The following C1orf21 variants were observed in gnomAD, a reference collection of about 807,000 sequenced individuals.
C1orf21 encodes the protein uncharacterized protein C1orf21.
In C1orf21, 3 loss-of-function variants were observed where a neutral mutation model predicts 18.7. The ratio of observed to expected loss-of-function variants is 0.16; its 90% CI spans 0.07 to 0.42. The LOEUF (loss-of-function observed/expected upper bound fraction) is 0.42. Ranked by LOEUF, C1orf21 falls within the 10% of genes least tolerant of loss-of-function variation. The pLI, the probability that C1orf21 is intolerant of heterozygous loss-of-function variation, is 0.99. For missense variants in C1orf21, 104 were observed against 143.6 expected (o/e 0.72, Z 1.41); for synonymous variants, 41 against 46.4 (o/e 0.88, Z 0.47).
Position 184,505,306 on chromosome 1 carries a change from AATATATATATATATATATAT to A in C1orf21, c.95-2266_95-2247del, listed in dbSNP as rs59445875. ...AGAATCCACTTGTGATACATAAAGAAATATATATATATATATATATATATATATATATATACACACATGCC... is the reference window on the plus strand; with the variant it reads ...AGAATCCACTTGTGATACATAAAGAAATATATATATATATACACACATGCC... On this transcript the variant is annotated intron_variant, in intron 2 of 5. Transcript: ENST00000235307. 1.9e-4 allele frequency among the ~76,000 whole-genome samples: 13 copies of A among 66,772 alleles called. No homozygotes were observed. The South Asian group carries it at 2.5e-3, about 13-fold the overall frequency. 43.8% of individuals were successfully genotyped at this position (66,772 alleles called of 152,430 possible). A position where few individuals can be genotyped will look rare whatever the true frequency, so the allele number is the denominator to read the frequency against.
intron 5 of C1orf21, among the ~76,000 whole-genome samples, chr1:184,618,983 G>A (rs940664329): frequency 2.0e-5 from 3 of 152,222 alleles, no homozygotes; most frequent in African/African-American, 7.2e-5. Context: ...TGAATCAGAA[G>A]CATCTTTGCC....
intron 3 of C1orf21, among the ~76,000 whole-genome samples, chr1:184,551,861 G>C (rs1042359335): frequency 9.2e-5 from 14 of 151,768 alleles, no homozygotes; most frequent in Non-Finnish European, 2.9e-5. Flanking sequence ...AAAATTAGCC[G>C]GGTGTGGTGG....
intron 3 of C1orf21, chr1:184,566,569 T>G (rs1349268659): frequency 5.2e-6 from 2 of 381,712 alleles, no homozygotes; most frequent in African/African-American, 4.2e-5. Context: ...CTCTCTATGG[T>G]GGGTTTCTTC....
intron 1 of C1orf21, among the ~76,000 whole-genome samples, chr1:184,437,066 G>A (rs1376133578): frequency 6.6e-6 from 1 of 152,174 alleles, no homozygotes; most frequent in Admixed American, 6.5e-5. Context: ...AAGGAGACTA[G>A]ATGAAAGAGA....
At chr1:184,613,794 C>T (rs1659776099) in intron 5 of C1orf21, among the ~76,000 whole-genome samples, 2 of 152,000 alleles carry the variant, frequency 1.3e-5, no homozygotes, top group South Asian at 4.2e-4. Context: ...GGGAGGCAAA[C>T]ATTTTGCCTA....
At chr1:184,445,303 T>C (rs560239701) in intron 1 of C1orf21, among the ~76,000 whole-genome samples, 1 of 151,928 alleles carries the variant, frequency 6.6e-6, no homozygotes, top group Non-Finnish European at 1.5e-5. Context: ...GTTTTTAGAA[T>C]ATAAAATGTT....
chr1:184,428,088 A>G (rs545716487), intron 1 of C1orf21, among the ~76,000 whole-genome samples: 18 of 152,272 alleles, frequency 1.2e-4, no homozygotes, highest in African/African-American at 4.1e-4. Flanking sequence ...ATGATAATAG[A>G]CCCCACTTCA....
intron 3 of C1orf21, among the ~76,000 whole-genome samples, chr1:184,572,368 C>T (rs986429588): frequency 3.9e-5 from 6 of 152,140 alleles, no homozygotes; most frequent in Non-Finnish European, 8.8e-5. Flanking sequence ...CGAGAACATG[C>T]ATATAGGTAA....
At chr1:184,431,332 G>A (rs1197707482) in intron 1 of C1orf21, among the ~76,000 whole-genome samples, 1 of 152,130 alleles carries the variant, frequency 6.6e-6, no homozygotes, top group African/African-American at 2.4e-5. Flanking sequence ...ACAACCACCT[G>A]ATCTTTGACA....
intron 1 of C1orf21, among the ~76,000 whole-genome samples, chr1:184,388,299 T>C (rs1655918851): frequency 6.6e-6 from 1 of 152,170 alleles, no homozygotes; most frequent in Admixed American, 6.6e-5. Context: ...AAGAGTTGCA[T>C]GGCCAAAGAT....
intron 3 of C1orf21, chr1:184,566,815 A>G (rs1303699124): frequency 4.3e-6 from 2 of 467,192 alleles, no homozygotes; most frequent in East Asian, 1.1e-4. Context: ...CTCAAGGTGA[A>G]ATTTTACAAA....
At chr1:184,534,278 G>T (rs2101974409) in intron 3 of C1orf21, among the ~76,000 whole-genome samples, 1 of 152,284 alleles carries the variant, frequency 6.6e-6, no homozygotes. Context: ...AAGGGAAAAA[G>T]AAAAGCTCAG....
At chr1:184,465,701 G>A (rs1192299676) in intron 1 of C1orf21, among the ~76,000 whole-genome samples, 2 of 152,100 alleles carry the variant, frequency 1.3e-5, no homozygotes, top group Non-Finnish European at 2.9e-5. Context: ...CCCAATGGAG[G>A]GCTCACAGAG....
intron 2 of C1orf21, among the ~76,000 whole-genome samples, chr1:184,482,106 C>T (rs12057927): frequency 0.031 from 4,717 of 152,274 alleles, 224 homozygotes; most frequent in African/African-American, 0.1. Flanking sequence ...TACCTTGAAA[C>T]ATAACCAGCT....
chr1:184,602,288 ACT>A (rs1659595389), intron 5 of C1orf21, among the ~76,000 whole-genome samples: 1 of 151,962 alleles, frequency 6.6e-6, no homozygotes, highest in South Asian at 2.1e-4. Context: ...AGGCCACAAC[ACT>A]CTGCTGCGAC....
At chr1:184,578,158 G>A (rs1054159714) in intron 3 of C1orf21, among the ~76,000 whole-genome samples, 2 of 151,802 alleles carry the variant, frequency 1.3e-5, no homozygotes, top group Non-Finnish European at 2.9e-5. Flanking sequence ...GGGTTTCACT[G>A]CGTTGTTCAG....
chr1:184,461,364 C>T (rs979491390), intron 1 of C1orf21, among the ~76,000 whole-genome samples: 8 of 152,122 alleles, frequency 5.3e-5, no homozygotes, highest in African/African-American at 9.7e-5. Flanking sequence ...AGCAGCCACG[C>T]GATGTTGAGA....
chr1:184,521,702 C>T (rs1416560253), intron 3 of C1orf21, among the ~76,000 whole-genome samples: 1 of 151,932 alleles, frequency 6.6e-6, no homozygotes, highest in Non-Finnish European at 1.5e-5. Flanking sequence ...ATACATTTGT[C>T]AAAATTCATA....
intron 3 of C1orf21, among the ~76,000 whole-genome samples, chr1:184,557,150 C>T (rs538398622): frequency 2.0e-5 from 3 of 152,150 alleles, no homozygotes; most frequent in Non-Finnish European, 2.9e-5. Context: ...AGCCTCCTGA[C>T]GCTCATTAAT....
Sources: gnomAD v4.1 joint callset for allele counts (sites outside exome capture counted in the v4.1 genomes callset) on GRCh38, gnomAD v4.1.1 for gene constraint, MANE v1.5 for transcripts, NCBI Gene and HGNC (gene_info 2026-07-23, HGNC 2026-07-21) for gene names.